Variants in OOEP observed in about 807,000 individuals in gnomAD.
OOEP encodes oocyte-expressed protein homolog.
In OOEP, 16 loss-of-function variants were observed where a neutral mutation model predicts 13.7. The observed-to-expected ratio is 1.16, with a 90% CI of 0.79 to 1.77. The LOEUF (loss-of-function observed/expected upper bound fraction) is 1.77. Ranked by LOEUF, OOEP falls within the 40% of genes most tolerant of loss-of-function variation. The pLI is 0.00. For missense variants in OOEP, 195 were observed against 193.1 expected, an observed-to-expected ratio of 1.01 and a Z score of -0.06; for synonymous variants, 89 against 77.1, an observed-to-expected ratio of 1.15 and a Z score of -0.81.
upstream of OOEP, among the ~76,000 whole-genome samples, chr6:73,372,900 T>C (rs2150779372): frequency 6.7e-6 from 1 of 149,124 alleles, no homozygotes; most frequent in African/African-American, 2.4e-5. Context: ...ACCTTCTCTT[T>C]TTCTTTCCTT....
chr6:73,373,499 C>A (rs1257493932), upstream of OOEP, among the ~76,000 whole-genome samples: 1 of 152,190 alleles, frequency 6.6e-6, no homozygotes, highest in South Asian at 2.1e-4. Context: ...CTCAAGCAGT[C>A]CTCCTGCCTT....
At chr6:73,372,432 C>A (rs1769071086), upstream of OOEP, among the ~76,000 whole-genome samples, 1 of 152,122 alleles carries the variant, frequency 6.6e-6, no homozygotes. Flanking sequence ...ATTTCTTCCT[C>A]AAGGAAGAAA....
At chr6:73,373,657 T>G (rs1769095132), upstream of OOEP, among the ~76,000 whole-genome samples, 1 of 152,166 alleles carries the variant, frequency 6.6e-6, no homozygotes, top group Non-Finnish European at 1.5e-5. Context: ...ATGGCGAATC[T>G]TGGCTCACTG....
rs751521171 is a variant in OOEP at position 73,369,086 on chromosome 6, TC to T, written c.370+119del. Reference sequence around the variant, plus strand: ...TCCCAACAAACTTCGTACAGCTAGCTCCCTGGGGTCTGGAAACCAAGAAATT... The same window carrying T: ...TCCCAACAAACTTCGTACAGCTAGCTCCTGGGGTCTGGAAACCAAGAAATT... On this transcript the variant is annotated intron_variant, in intron 2 of 2. Coordinates refer to ENST00000370359, the MANE Select transcript of OOEP (RefSeq NM_001080507.3). 515 of 1,059,190 alleles carry T rather than the reference TC, an allele frequency of 4.9e-4. 1 individual carries two copies. Among genetic ancestry groups the T allele is most frequent in the Non-Finnish European group, 6.7e-4 (489 of 730,980 alleles). 65.6% of individuals were successfully genotyped at this position (1,059,190 alleles called of 1,614,324 possible).
chr6:73,371,855 G>C (rs1171741772), upstream of OOEP, among the ~76,000 whole-genome samples: 1 of 152,130 alleles, frequency 6.6e-6, no homozygotes, highest in Non-Finnish European at 1.5e-5. Context: ...TTGAACCCCA[G>C]AGGCAGAGGT....
At chr6:73,394,704 G>A in intron 1 of OOEP, 1 of 738,446 alleles carries the variant, frequency 1.4e-6, no homozygotes. Flanking sequence ...GGAAAGTCCC[G>A]CCCACAACGC....
chr6:73,382,312 G>T (rs1187875262), intron 2 of OOEP, among the ~76,000 whole-genome samples: 1 of 149,030 alleles, frequency 6.7e-6, no homozygotes, highest in Non-Finnish European at 1.5e-5. Flanking sequence ...CCGCCTCCTG[G>T]GTTCAAGTGA....
In OOEP at chr6:73,381,180, A is replaced by T. The variant is rs530430425; in HGVS notation, c.26-11795T>A. 1.4e-4 allele frequency among the ~76,000 whole-genome samples: 21 copies of T among 148,768 alleles called. No homozygotes were observed. The South Asian group carries it at 4.3e-3, about 30-fold the overall frequency. ...ATTTCAAAAAGAAGAAAAAGTCAAA[A>T]AGATGAAACAAAACAAAAAAGTGTT... On this transcript the variant is annotated intron_variant, in intron 2 of 3. Coordinates refer to the OOEP transcript ENST00000370363.
chr6:73,369,955 G>C, upstream of OOEP: 1 of 614,878 alleles, frequency 1.6e-6, no homozygotes. Context: ...GCGACGCCCC[G>C]GCATAGCGGC....
chr6:73,381,507 T>A (rs1042233875), intron 2 of OOEP, among the ~76,000 whole-genome samples: 3 of 151,864 alleles, frequency 2.0e-5, no homozygotes, highest in Non-Finnish European at 2.9e-5. Flanking sequence ...GAAGGAAAGG[T>A]TGAGAAAGTT....
intron 2 of OOEP, among the ~76,000 whole-genome samples, chr6:73,384,739 CTTT>C (rs772710975): frequency 7.2e-6 from 1 of 139,102 alleles, no homozygotes. Flanking sequence ...ACAAACAAAC[CTTT>C]TTTTTTTTTT....
At chr6:73,381,205 TAAAAAAAAA>T (rs66507015) in intron 2 of OOEP, among the ~76,000 whole-genome samples, 2 of 101,000 alleles carry the variant, frequency 2.0e-5, no homozygotes, top group Non-Finnish European at 3.8e-5. Context: ...AAAAAAGTGT[TAAAAAAAAA>T]AAAAAAAAAA....
At chr6:73,391,001 G>A (rs867561290) in intron 2 of OOEP, 2 of 152,070 alleles carry the variant, frequency 1.3e-5, no homozygotes, top group African/African-American at 4.8e-5. Context: ...TCCTCACCAC[G>A]TGAGAACACA....
chr6:73,388,733 A>G (rs1769307154), intron 2 of OOEP, among the ~76,000 whole-genome samples: 1 of 152,224 alleles, frequency 6.6e-6, no homozygotes, highest in African/African-American at 2.4e-5. Context: ...GGAGTTTTCT[A>G]AGAATTAAAT....
chr6:73,376,146 T>C (rs1205171069), intron 2 of OOEP, among the ~76,000 whole-genome samples: 1 of 152,192 alleles, frequency 6.6e-6, no homozygotes, highest in Admixed American at 6.6e-5. Flanking sequence ...TCTCTAAAAT[T>C]ACAGACTATC....
chr6:73,382,599 G>GA (rs1161863620), intron 2 of OOEP, among the ~76,000 whole-genome samples: 2 of 151,962 alleles, frequency 1.3e-5, no homozygotes, highest in Non-Finnish European at 2.9e-5. Flanking sequence ...GGGCTCAAAT[G>GA]ATCCTCCTGC....
upstream of OOEP, among the ~76,000 whole-genome samples, chr6:73,372,807 C>T (rs377370949): frequency 2.0e-5 from 3 of 151,882 alleles, no homozygotes; most frequent in African/African-American, 4.8e-5. Context: ...GTGGGCCTGA[C>T]GCCAGCCCGA....
Position 73,369,775 on chromosome 6 carries a change from A to G in OOEP, c.18T>C (p.Gly6=). MVDDA[G]AAESQRGKQT... ...GTTTGCCCCGCTGGGACTCAGCGGCACCAGCATCATCGACCATACTGGGAC... is the reference window on the plus strand; with the variant it reads ...GTTTGCCCCGCTGGGACTCAGCGGCGCCAGCATCATCGACCATACTGGGAC... Residue 6 remains glycine (G), a synonymous_variant, in exon 1 of 3, where the codon GGT becomes GGC. Transcript: ENST00000370359. The G allele has an allele frequency of 6.2e-7, 1 of 1,613,498 alleles. No individual in the cohort carries two copies. The highest frequency in any genetic ancestry group is 8.5e-7 in the Non-Finnish European group (1 of 1,179,664).
intron 2 of OOEP, among the ~76,000 whole-genome samples, chr6:73,375,109 G>A (rs1227241101): frequency 1.3e-5 from 2 of 152,192 alleles, no homozygotes; most frequent in East Asian, 3.8e-4. Flanking sequence ...TTACAGGCAT[G>A]AGCCACCACA....
Sources: gnomAD v4.1 joint callset for allele counts (sites outside exome capture counted in the v4.1 genomes callset) on GRCh38, gnomAD v4.1.1 for gene constraint, MANE v1.5 for transcripts, NCBI Gene and HGNC (gene_info 2026-07-23, HGNC 2026-07-21) for gene names.